Variants in SLC7A14 observed in about 807,000 individuals in gnomAD.
SLC7A14 encodes gamma-aminobutyric acid transporter SLC7A14.
Under a neutral mutation model 60.2 loss-of-function variants are expected in SLC7A14, and 37 were observed. The observed-to-expected ratio is 0.61, with a 90% CI of 0.47 to 0.81. The LOEUF (loss-of-function observed/expected upper bound fraction) is 0.81. Among genes scored for constraint, SLC7A14 ranks in the 30% least tolerant of loss-of-function variants. The pLI is 0.00. For synonymous variants in SLC7A14, 399 were observed against 395.8 expected (o/e 1.01, Z -0.10); for missense variants, 886 against 982.7 (o/e 0.90, Z 1.32).
chr3:170,543,555 A>G (rs1714083613), intron 1 of SLC7A14, among the ~76,000 whole-genome samples: 1 of 151,638 alleles, frequency 6.6e-6, no homozygotes, highest in Admixed American at 6.6e-5. Context: ...AGGCTGAGGC[A>G]GGAGAATCGC....
chr3:170,510,030 A>G (rs1712917678), intron 2 of SLC7A14, among the ~76,000 whole-genome samples: 1 of 149,918 alleles, frequency 6.7e-6, no homozygotes, highest in South Asian at 2.1e-4. Context: ...GTGAGCCAAG[A>G]TCGCGCCACT....
intron 4 of SLC7A14, among the ~76,000 whole-genome samples, chr3:170,495,151 G>A (rs996278163): frequency 6.6e-6 from 1 of 152,168 alleles, no homozygotes; most frequent in Non-Finnish European, 1.5e-5. Flanking sequence ...ATTGACAACC[G>A]TAACAAGCTG....
intron 7 of SLC7A14, among the ~76,000 whole-genome samples, chr3:170,474,768 A>G (rs964801543): frequency 6.6e-6 from 1 of 152,142 alleles, no homozygotes; most frequent in Non-Finnish European, 1.5e-5. Flanking sequence ...CTATTTTGAG[A>G]TAGGATTCAT....
intron 1 of SLC7A14, among the ~76,000 whole-genome samples, chr3:170,545,536 C>A (rs1475570666): frequency 6.6e-6 from 1 of 152,180 alleles, no homozygotes; most frequent in Non-Finnish European, 1.5e-5. Flanking sequence ...AGCATATACT[C>A]ATTCTTAACA....
chr3:170,484,848 G>A (rs1711967102), intron 5 of SLC7A14, among the ~76,000 whole-genome samples: 1 of 152,152 alleles, frequency 6.6e-6, no homozygotes, highest in Non-Finnish European at 1.5e-5. Flanking sequence ...GATGGGGCAG[G>A]GTGGGCTGGA....
Position 170,535,989 on chromosome 3 carries a change from A to G in SLC7A14, c.-152-8901T>C, listed in dbSNP as rs1464068398. On this transcript the variant is annotated intron_variant, in intron 1 of 7. Coordinates refer to ENST00000231706, the MANE Select transcript of SLC7A14 (RefSeq NM_020949.3). The surrounding 1 kb of genome is among the most constrained non-coding windows in gnomAD (Gnocchi z 4.3). ...TACATGGGTATATTAGACGGCTGAG[A>G]TAGATTCAGGAAATCAACAATACCC... Among the ~76,000 whole-genome samples, 3 of 152,192 alleles carry G rather than the reference A, an allele frequency of 2.0e-5. No homozygotes were observed. Among genetic ancestry groups the G allele is most frequent in the Admixed American group, 2.0e-4 (3 of 15,274 alleles).
chr3:170,555,408 G>T (rs1281876210), intron 1 of SLC7A14, among the ~76,000 whole-genome samples: 1 of 151,964 alleles, frequency 6.6e-6, no homozygotes, highest in African/African-American at 2.4e-5. Context: ...ATTATATTAA[G>T]AACATTTGTT....
At chr3:170,563,324 T>C (rs1714704206) in intron 1 of SLC7A14, among the ~76,000 whole-genome samples, 2 of 151,902 alleles carry the variant, frequency 1.3e-5, no homozygotes, top group African/African-American at 4.8e-5. Flanking sequence ...TACTGGTGTG[T>C]ACCCCGCCCA....
At chr3:170,492,538 T>C (rs745643600) in intron 4 of SLC7A14, among the ~76,000 whole-genome samples, 8 of 152,128 alleles carry the variant, frequency 5.3e-5, no homozygotes, top group Non-Finnish European at 8.8e-5. Flanking sequence ...TTTGATGATA[T>C]AGCTGAGATT....
chr3:170,523,875 C>T (rs1183641924), intron 2 of SLC7A14, among the ~76,000 whole-genome samples: 27 of 152,152 alleles, frequency 1.8e-4, no homozygotes, highest in Admixed American at 1.8e-3. Flanking sequence ...GACCAACAAT[C>T]ATAAGAGTGA....
chr3:170,500,251 G>A (rs970451851), intron 3 of SLC7A14, among the ~76,000 whole-genome samples: 1 of 151,952 alleles, frequency 6.6e-6, no homozygotes, highest in Non-Finnish European at 1.5e-5. Context: ...GACCAGCCTG[G>A]CCAACATTGT....
At chr3:170,518,358 C>A (rs1458539965) in intron 2 of SLC7A14, among the ~76,000 whole-genome samples, 1 of 152,126 alleles carries the variant, frequency 6.6e-6, no homozygotes. Flanking sequence ...TCAATAGTTT[C>A]TCTATTATAT....
chr3:170,483,278 C>T, intron 6 of SLC7A14, 36 bp downstream of exon 6: 1 of 1,610,038 alleles, frequency 6.2e-7, no homozygotes, highest in South Asian at 1.1e-5. Flanking sequence ...ACAGACGTGG[C>T]AGAGCAGGAT....
chr3:170,548,715 G>T (rs1714247911), intron 1 of SLC7A14, among the ~76,000 whole-genome samples: 1 of 152,182 alleles, frequency 6.6e-6, no homozygotes, highest in Non-Finnish European at 1.5e-5. Flanking sequence ...AAAACCGTTA[G>T]ACCATATTTT....
intron 2 of SLC7A14, among the ~76,000 whole-genome samples, chr3:170,510,900 C>T (rs1712959330): frequency 6.6e-6 from 1 of 152,202 alleles, no homozygotes; most frequent in Non-Finnish European, 1.5e-5. Flanking sequence ...ACTCACTGTA[C>T]GTGGTTTCAC....
intron 7 of SLC7A14, among the ~76,000 whole-genome samples, chr3:170,476,556 T>C (rs1184477474): frequency 1.3e-5 from 2 of 152,224 alleles, no homozygotes; most frequent in African/African-American, 2.4e-5. Context: ...TTCCTCTGCC[T>C]GATAGCTGGA....
chr3:170,555,237 T>C (rs1411923534), intron 1 of SLC7A14, among the ~76,000 whole-genome samples: 1 of 151,768 alleles, frequency 6.6e-6, no homozygotes. Flanking sequence ...TACATGCTCA[T>C]TGTGGACAAT....
chr3:170,578,504 G>T (rs1317857005), intron 1 of SLC7A14, among the ~76,000 whole-genome samples: 2 of 152,162 alleles, frequency 1.3e-5, no homozygotes, highest in African/African-American at 4.8e-5. Context: ...GTGTAGCATG[G>T]TAGCACAAAC....
intron 4 of SLC7A14, among the ~76,000 whole-genome samples, chr3:170,494,443 C>G (rs1712318295): frequency 2.0e-5 from 3 of 152,200 alleles, no homozygotes; most frequent in African/African-American, 7.2e-5. Context: ...AGGCAGGCTC[C>G]TGATTGAGGA....
Sources: allele counts gnomAD v4.1 joint callset (sites outside exome capture counted in the v4.1 genomes callset), GRCh38; gene constraint gnomAD v4.1.1; non-coding constraint Gnocchi (gnomAD v3.1); transcripts MANE v1.5; gene names NCBI Gene and HGNC (gene_info 2026-07-23, HGNC 2026-07-21).